The following TTC23L variants were observed in gnomAD, a reference collection of about 807,000 sequenced individuals.
The protein encoded by TTC23L is tetratricopeptide repeat domain 23 like.
Under a neutral mutation model 48.1 loss-of-function variants are expected in TTC23L, and 42 were observed. That is an observed-to-expected ratio of 0.87 (90% CI 0.68 to 1.13). TTC23L has a LOEUF of 1.13. TTC23L is among the 50% of genes most tolerant of loss of function. The pLI, the probability that TTC23L is intolerant of heterozygous loss-of-function variation, is 0.00. For synonymous variants in TTC23L, 159 were observed against 157.2 expected (o/e 1.01, Z -0.09); for missense variants, 391 against 421.0 (o/e 0.93, Z 0.62).
the TTC23L span, chr5:34,918,161 C>G: frequency 5.1e-6 from 1 of 195,502 alleles, no homozygotes; most frequent in Non-Finnish European, 9.8e-6. Context: ...AAAAAAAAAA[C>G]TAGCTGGACA....
At chr5:34,904,772 T>C in the TTC23L span, among the ~76,000 whole-genome samples, 1 of 152,052 alleles carries the variant, frequency 6.6e-6, no homozygotes, top group African/African-American at 2.4e-5. Flanking sequence ...TTGGACAAAA[T>C]GGCAGGAAGC....
intron 2 of TTC23L, among the ~76,000 whole-genome samples, chr5:34,843,030 A>G (rs1409269949): frequency 6.6e-6 from 1 of 152,032 alleles, no homozygotes; most frequent in African/African-American, 2.4e-5. Context: ...CTGGTCTCGA[A>G]CTCCTGACCG....
chr5:34,892,130 A>G (rs1219901418), intron 9 of TTC23L, among the ~76,000 whole-genome samples: 1 of 152,200 alleles, frequency 6.6e-6, no homozygotes, highest in Non-Finnish European at 1.5e-5. Context: ...TCTCTTTGCA[A>G]ACTTCAGCAT....
the TTC23L span, chr5:34,923,434 C>G: frequency 1.8e-6 from 1 of 568,022 alleles, no homozygotes; most frequent in East Asian, 2.9e-5. Context: ...CCCATCATCA[C>G]GCCTGGCTAA....
chr5:34,886,738 G>T (rs1330413357), intron 9 of TTC23L, among the ~76,000 whole-genome samples: 1 of 152,158 alleles, frequency 6.6e-6, no homozygotes, highest in Non-Finnish European at 1.5e-5. Flanking sequence ...GATATGCTGA[G>T]GGAGAATATG....
chr5:34,853,813 T>A (rs1211998345), intron 4 of TTC23L, among the ~76,000 whole-genome samples: 1 of 152,168 alleles, frequency 6.6e-6, no homozygotes, highest in African/African-American at 2.4e-5. Flanking sequence ...ACAAGTACAC[T>A]CCTTGGGCCC....
At chr5:34,850,713 G>C (rs1169262223) in intron 4 of TTC23L, among the ~76,000 whole-genome samples, 1 of 152,064 alleles carries the variant, frequency 6.6e-6, no homozygotes, top group African/African-American at 2.4e-5. Flanking sequence ...CCCAATAATG[G>C]GACTTGAATT....
intron 10 of TTC23L, among the ~76,000 whole-genome samples, chr5:34,898,377 GAC>G (rs1763359448): frequency 6.6e-6 from 1 of 152,034 alleles, no homozygotes; most frequent in South Asian, 2.1e-4. Context: ...CAAGCAGTCT[GAC>G]ACAGTCACCT....
intron 8 of TTC23L, among the ~76,000 whole-genome samples, chr5:34,871,750 A>G (rs1761484410): frequency 6.6e-6 from 1 of 152,202 alleles, no homozygotes; most frequent in Admixed American, 6.5e-5. Context: ...TCTAACAGAG[A>G]TAGAGTTATT....
the TTC23L span, chr5:34,909,130 C>T: frequency 2.2e-6 from 2 of 904,080 alleles, no homozygotes; most frequent in South Asian, 1.7e-5. Context: ...AAGTCCAGCA[C>T]TCTACTATTC....
chr5:34,846,691 G>GTT (rs1759226567), intron 3 of TTC23L, among the ~76,000 whole-genome samples: 1 of 118,002 alleles, frequency 8.5e-6, no homozygotes, highest in Non-Finnish European at 1.9e-5. Flanking sequence ...GTGTGTGTGT[G>GTT]TGTGTGTGTG....
chr5:34,889,583 C>T (rs903557839), intron 9 of TTC23L, among the ~76,000 whole-genome samples: 2 of 152,146 alleles, frequency 1.3e-5, no homozygotes, highest in African/African-American at 4.8e-5. Context: ...TTTATCATTA[C>T]CCAGAGGAGG....
chr5:34,852,024 G>A (rs755174856), intron 4 of TTC23L, among the ~76,000 whole-genome samples: 11 of 152,092 alleles, frequency 7.2e-5, no homozygotes, highest in Non-Finnish European at 1.6e-4. Context: ...ATGAGAATAG[G>A]TTTATCAAGT....
chr5:34,873,551 A>AT (rs935528372), intron 8 of TTC23L, among the ~76,000 whole-genome samples: 37 of 152,318 alleles, frequency 2.4e-4, no homozygotes, highest in African/African-American at 8.9e-4. Context: ...GATGAAAGGG[A>AT]TAAAAACACA....
intron 8 of TTC23L, among the ~76,000 whole-genome samples, chr5:34,877,435 T>C (rs1408644416): frequency 6.6e-6 from 1 of 151,688 alleles, no homozygotes; most frequent in African/African-American, 2.4e-5. Flanking sequence ...TCTTTTTTCT[T>C]TTTTTGAGAC....
At chr5:34,924,107 G>A in the TTC23L span, among the ~76,000 whole-genome samples, 2 of 152,280 alleles carry the variant, frequency 1.3e-5, no homozygotes, top group Admixed American at 6.5e-5. Flanking sequence ...CAATGGCAGC[G>A]GTTAGATGAT....
At chr5:34,909,815 G>A in the TTC23L span, among the ~76,000 whole-genome samples, 2 of 152,302 alleles carry the variant, frequency 1.3e-5, no homozygotes, top group South Asian at 4.1e-4. Flanking sequence ...AATACCAGAA[G>A]TTATTTGTAG....
intron 2 of TTC23L, among the ~76,000 whole-genome samples, chr5:34,845,244 G>T (rs961822599): frequency 6.6e-6 from 1 of 152,184 alleles, no homozygotes; most frequent in African/African-American, 2.4e-5. Context: ...CTTGGTTAGG[G>T]TCATGTGATT....
At chr5:34,925,043 G>C in the TTC23L span, 1 of 1,546,282 alleles carries the variant, frequency 6.5e-7, no homozygotes, top group Admixed American at 2.1e-5. Flanking sequence ...ATTCTGTGAA[G>C]TAATTGCTGT....
Sources: gnomAD v4.1 joint callset for allele counts (sites outside exome capture counted in the v4.1 genomes callset) on GRCh38, gnomAD v4.1.1 for gene constraint, MANE v1.5 for transcripts, NCBI Gene and HGNC (gene_info 2026-07-23, HGNC 2026-07-21) for gene names.